The following PSPH variants were observed in gnomAD, a reference collection of about 807,000 sequenced individuals.
The protein encoded by PSPH is phosphoserine phosphatase, also known as L-3-phosphoserine phosphatase.
A neutral mutation model predicts 23.4 loss-of-function variants in PSPH; 16 were observed. That is an observed-to-expected ratio of 0.68 (90% confidence interval 0.46 to 1.04). The LOEUF is 1.04. Among genes scored for constraint, PSPH ranks in the 50% least tolerant of loss-of-function variants. The pLI is 0.00. For synonymous variants in PSPH, 68 were observed against 99.7 expected (o/e 0.68, Z 1.89); for missense variants, 223 against 273.7 (o/e 0.81, Z 1.31).
intron 1 of PSPH, among the ~76,000 whole-genome samples, chr7:56,042,938 T>G (rs1737336749): frequency 6.6e-6 from 1 of 151,758 alleles, no homozygotes; most frequent in African/African-American, 2.4e-5. Context: ...GAAAAGCAAA[T>G]CATATAAACA....
chr7:56,029,492 TAA>T (rs59890123), intron 3 of PSPH, among the ~76,000 whole-genome samples: 21 of 76,846 alleles, frequency 2.7e-4, no homozygotes, highest in South Asian at 4.8e-4. Flanking sequence ...ACCAACTGAT[TAA>T]AAAAAAAAAA....
At chr7:56,023,136 C>A (rs978899746) in intron 3 of PSPH, among the ~76,000 whole-genome samples, 15 of 151,946 alleles carry the variant, frequency 9.9e-5, no homozygotes, top group Non-Finnish European at 8.8e-5. Context: ...AAGGACAGAG[C>A]CTGCAGGACC....
chr7:56,040,015 C>T (rs568909918), intron 1 of PSPH, among the ~76,000 whole-genome samples: 68 of 151,448 alleles, frequency 4.5e-4, no homozygotes, highest in African/African-American at 1.5e-3. Context: ...AGGAGAATGG[C>T]GTGAACCTGG....
chr7:56,051,041 AAAAT>A (rs979829967), intron 1 of PSPH, 93 bp downstream of exon 1: 7 of 152,296 alleles, frequency 4.6e-5, no homozygotes, highest in South Asian at 2.1e-4. Flanking sequence ...TTACAAAAAG[AAAAT>A]AAATAAAGTA....
chr7:56,051,002 A>ACC (rs1016507443), intron 1 of PSPH, 136 bp downstream of exon 1: 24 of 152,176 alleles, frequency 1.6e-4, no homozygotes, highest in African/African-American at 5.6e-4. Context: ...GTTTGAGACC[A>ACC]CCCTGGGCAA....
chr7:56,021,779 C>A (rs1789495368), intron 3 of PSPH, among the ~76,000 whole-genome samples: 3 of 150,052 alleles, frequency 2.0e-5, no homozygotes, highest in Admixed American at 6.7e-5. Context: ...GAAACCCTGT[C>A]TCTACTAAAA....
intron 6 of PSPH, among the ~76,000 whole-genome samples, chr7:56,016,966 G>A (rs2116559500): frequency 6.6e-6 from 1 of 152,212 alleles, no homozygotes; most frequent in Admixed American, 6.6e-5. Context: ...AAGTCATAGG[G>A]GGCTTCGTAG....
At chr7:56,027,483 T>C (rs1305905984) in intron 3 of PSPH, among the ~76,000 whole-genome samples, 2 of 151,936 alleles carry the variant, frequency 1.3e-5, no homozygotes, top group Non-Finnish European at 2.9e-5. Flanking sequence ...CCCAGCACTT[T>C]GGGAGGCCAA....
intron 6 of PSPH, 98 bp from the exon 7 acceptor site, chr7:56,015,269 G>A: frequency 6.9e-7 from 1 of 1,446,380 alleles, no homozygotes; most frequent in Non-Finnish European, 9.7e-7. Flanking sequence ...ATGTCACTGA[G>A]AAGGCTAAAA....
intron 1 of PSPH, among the ~76,000 whole-genome samples, chr7:56,045,274 G>T (rs904117288): frequency 2.0e-5 from 3 of 152,106 alleles, no homozygotes; most frequent in African/African-American, 7.2e-5. Context: ...GTAGGCCAAA[G>T]TGGGAGGATC....
intron 1 of PSPH, among the ~76,000 whole-genome samples, chr7:56,035,632 TC>T (rs1166236565): frequency 6.6e-6 from 1 of 151,712 alleles, no homozygotes; most frequent in Non-Finnish European, 1.5e-5. Context: ...AATTTTTTTT[TC>T]CCCCGAGACT....
chr7:56,037,633 T>C (rs73140793), intron 1 of PSPH, among the ~76,000 whole-genome samples: 33,169 of 151,740 alleles, frequency 0.22, 3,790 homozygotes, highest in East Asian at 0.4. Flanking sequence ...ACTCCTGGGC[T>C]CAAGCCCAAG....
intron 3 of PSPH, among the ~76,000 whole-genome samples, chr7:56,025,764 T>G (rs972567967): frequency 6.6e-6 from 1 of 152,148 alleles, no homozygotes; most frequent in African/African-American, 2.4e-5. Context: ...CAGCTAATTT[T>G]TGTATTTTGA....
intron 3 of PSPH, among the ~76,000 whole-genome samples, chr7:56,027,165 A>G (rs1277154949): frequency 6.7e-6 from 1 of 150,368 alleles, no homozygotes; most frequent in Non-Finnish European, 1.5e-5. Context: ...AGATTGCGCT[A>G]TTGCACCCCA....
At chr7:56,049,253 C>T (rs1288002749) in intron 1 of PSPH, among the ~76,000 whole-genome samples, 1 of 151,724 alleles carries the variant, frequency 6.6e-6, no homozygotes. Flanking sequence ...ACCCTGCTTG[C>T]ATTAGGTATT....
chr7:56,024,538 G>A lies in PSPH; in HGVS notation c.-19-3307C>T, dbSNP rs528743051. 1.1e-4 allele frequency among the ~76,000 whole-genome samples: 16 copies of A among 152,142 alleles called. No homozygotes were observed. In the South Asian group the frequency reaches 2.7e-3, roughly 26 times the overall value. ...AGGTGGGAGGATTACTTGAAGCCAG[G>A]AGTTCAACACCTATCTGGGCAACAT... On this transcript the variant is annotated intron_variant, in intron 3 of 7. Coordinates refer to ENST00000275605, the MANE Select transcript of PSPH (RefSeq NM_004577.4).
intron 5 of PSPH, among the ~76,000 whole-genome samples, chr7:56,019,294 C>A (rs1788992417): frequency 6.6e-6 from 1 of 151,700 alleles, no homozygotes; most frequent in South Asian, 2.1e-4. Flanking sequence ...CAAAAATTAC[C>A]TAGGTGTGCT....
At chr7:56,023,264 A>T (rs1481775195) in intron 3 of PSPH, among the ~76,000 whole-genome samples, 1 of 145,442 alleles carries the variant, frequency 6.9e-6, no homozygotes, top group South Asian at 2.2e-4. Flanking sequence ...GTCAAAACAA[A>T]TTTTTTTTTT....
At chr7:56,041,169 G>A (rs1481522221) in intron 1 of PSPH, among the ~76,000 whole-genome samples, 2 of 150,840 alleles carry the variant, frequency 1.3e-5, no homozygotes, top group African/African-American at 4.9e-5. Flanking sequence ...TGCAAGACCA[G>A]CTTGATTATC....
Sources: allele counts gnomAD v4.1 joint callset (sites outside exome capture counted in the v4.1 genomes callset), GRCh38; gene constraint gnomAD v4.1.1; transcripts MANE v1.5; gene names NCBI Gene and HGNC (gene_info 2026-07-23, HGNC 2026-07-21).